The following SDK1 variants were observed in gnomAD, a reference collection of about 807,000 sequenced individuals.
SDK1 encodes sidekick cell adhesion molecule 1.
SDK1 carries 157 observed loss-of-function variants against 245.5 expected under a neutral mutation model. That is an observed-to-expected ratio of 0.64 (90% confidence interval 0.56 to 0.73). SDK1 has a LOEUF of 0.73. SDK1 is among the 30% of genes least tolerant of loss of function. SDK1 has a pLI of 0.00. For missense variants in SDK1, 3,583 were observed against 3,002.3 expected (o/e 1.19, Z -4.52); for synonymous variants, 1,647 against 1,278.5 (o/e 1.29, Z -6.15).
rs564620244 is a variant in SDK1, at chr7:3,870,255, A to G, written c.847+48672A>G. Among the ~76,000 whole-genome samples, 49 of 152,202 alleles carry G rather than the reference A, an allele frequency of 3.2e-4. 1 individual carries two copies. The South Asian group carries it at 9.8e-3, about 30-fold the overall frequency. ...TCAACTTAATTTTTTCATTCTATAAATTTATTCTAATATATAAAGTGATTG... is the reference window on the plus strand; with the variant it reads ...TCAACTTAATTTTTTCATTCTATAAGTTTATTCTAATATATAAAGTGATTG... On this transcript the variant is annotated intron_variant, in intron 5 of 44. Coordinates refer to ENST00000404826, the MANE Select transcript of SDK1 (RefSeq NM_152744.4).
At chr7:4,239,377 G>A (rs1267841606) in intron 42 of SDK1, among the ~76,000 whole-genome samples, 2 of 152,164 alleles carry the variant, frequency 1.3e-5, no homozygotes, top group Non-Finnish European at 2.9e-5. Context: ...CTACGTGGAC[G>A]GTAGTTACAT....
chr7:4,063,478 A>T (rs554118786), intron 19 of SDK1, among the ~76,000 whole-genome samples: 1 of 152,138 alleles, frequency 6.6e-6, no homozygotes, highest in Non-Finnish European at 1.5e-5. Flanking sequence ...AAATAGAAAG[A>T]CATCCCATGC....
At chr7:3,488,556 A>G (rs1242143045) in intron 1 of SDK1, among the ~76,000 whole-genome samples, 3 of 152,182 alleles carry the variant, frequency 2.0e-5, no homozygotes, top group African/African-American at 7.2e-5. Context: ...TATGTCATCA[A>G]GTTTTCTAAG....
intron 1 of SDK1, among the ~76,000 whole-genome samples, chr7:3,482,306 C>T (rs1217808293): frequency 1.3e-5 from 2 of 152,082 alleles, no homozygotes; most frequent in East Asian, 1.9e-4. Context: ...AAAGGGCAAG[C>T]CAGACTCTAG....
chr7:3,465,107 C>G (rs545291003), intron 1 of SDK1, among the ~76,000 whole-genome samples: 1 of 152,240 alleles, frequency 6.6e-6, no homozygotes, highest in African/African-American at 2.4e-5. Context: ...AGTGAGATTA[C>G]CGTTAGGGAG....
chr7:3,939,970 A>C (rs939157568), intron 5 of SDK1, among the ~76,000 whole-genome samples: 1 of 152,244 alleles, frequency 6.6e-6, no homozygotes, highest in Admixed American at 6.5e-5. Context: ...AAAAACCACC[A>C]GTGCACCTTG....
intron 5 of SDK1, among the ~76,000 whole-genome samples, chr7:3,936,819 C>T (rs1223084201): frequency 6.6e-6 from 1 of 152,126 alleles, no homozygotes; most frequent in African/African-American, 2.4e-5. Context: ...CCTCTGGGCC[C>T]TGCTGGATGG....
chr7:3,368,780 C>T (rs1259531200), intron 1 of SDK1, among the ~76,000 whole-genome samples: 6 of 152,172 alleles, frequency 3.9e-5, no homozygotes, highest in Non-Finnish European at 8.8e-5. Flanking sequence ...AATGAGATAA[C>T]ACAAAGCACT....
chr7:4,254,255 T>C (rs1583183194), intron 44 of SDK1, among the ~76,000 whole-genome samples: 1 of 152,154 alleles, frequency 6.6e-6, no homozygotes, highest in South Asian at 2.1e-4. Flanking sequence ...ATTCTTATTA[T>C]ACGTATGTTG....
chr7:3,940,818 A>C (rs1405987529), intron 5 of SDK1, among the ~76,000 whole-genome samples: 1 of 151,718 alleles, frequency 6.6e-6, no homozygotes, highest in Non-Finnish European at 1.5e-5. Context: ...TAATAATAAT[A>C]ATAGTAAATT....
intron 22 of SDK1, among the ~76,000 whole-genome samples, chr7:4,094,137 A>G (rs1289392662): frequency 6.6e-6 from 1 of 151,754 alleles, no homozygotes; most frequent in African/African-American, 2.4e-5. Context: ...GCTCACTGCA[A>G]CCTCCGCCTT....
intron 5 of SDK1, among the ~76,000 whole-genome samples, chr7:3,842,725 A>G (rs531082657): frequency 3.3e-5 from 5 of 152,122 alleles, no homozygotes; most frequent in African/African-American, 7.2e-5. Flanking sequence ...ATGCTGGCTA[A>G]GAGTGGGAGG....
At chr7:3,849,536 C>G (rs1196024774) in intron 5 of SDK1, among the ~76,000 whole-genome samples, 1 of 152,208 alleles carries the variant, frequency 6.6e-6, no homozygotes, top group Middle Eastern at 3.4e-3. Context: ...AGTATATGTT[C>G]AATGGTTGAG....
chr7:3,454,565 G>T (rs1467792826), intron 1 of SDK1, among the ~76,000 whole-genome samples: 1 of 152,114 alleles, frequency 6.6e-6, no homozygotes, highest in Non-Finnish European at 1.5e-5. Context: ...CTGATCAGCT[G>T]CAATAACACA....
Position 4,268,780 on chromosome 7 carries a change from C to A in SDK1, c.*3396C>A. The A allele has an allele frequency of 7.4e-7, 1 of 1,359,482 alleles. No individual in the cohort carries two copies. The highest frequency in any genetic ancestry group is 9.9e-7 in the Non-Finnish European group (1 of 1,014,476). The allele number at this position is 1,359,482 out of a possible 1,614,324, so 84.2% of individuals were successfully genotyped here. On this transcript the variant is annotated 3_prime_UTR_variant, in exon 45 of 45. Transcript: ENST00000404826. The stretch of plus-strand genomic sequence containing the variant: ...GATCCAGTCTGAAAGGTGAGGACAA[C>A]GTGGAAACTCATGAGCTGAGCCTGC...
In SDK1 at chr7:4,234,259, C is replaced by T. The variant is rs183604382; in HGVS notation, c.5992+840C>T. On this transcript the variant is annotated intron_variant, in intron 41 of 44. Transcript: ENST00000404826. ...CGATCCCAGGCTGGGCATTTCTTCACGTGCACACCTTCGCTGTGAGGTACC... is the reference window on the plus strand; with the variant it reads ...CGATCCCAGGCTGGGCATTTCTTCATGTGCACACCTTCGCTGTGAGGTACC... 3.4e-3 allele frequency among the ~76,000 whole-genome samples: 517 copies of T among 152,314 alleles called. 4 individuals carry two copies. The highest frequency in any genetic ancestry group is 0.011 in the African/African-American group (467 of 41,574).
At chr7:3,653,704 C>T (rs1783075934) in intron 4 of SDK1, among the ~76,000 whole-genome samples, 2 of 152,038 alleles carry the variant, frequency 1.3e-5, no homozygotes, top group Non-Finnish European at 2.9e-5. Context: ...AGAGGAGAAA[C>T]GGGTTGGGAG....
rs1162979240 is a variant in SDK1, at chr7:4,005,039, CTT to C, written c.2132-5903_2132-5902del. On this transcript the variant is annotated intron_variant, in intron 14 of 44. Transcript: ENST00000404826. ...TCTGGTGTTTAATTGGTTCCTGCAC[CTT>C]TTTTTTTTTTTTTTTTTTTTTTTGA... Among the ~76,000 whole-genome samples, 551 of 90,932 alleles carry C rather than the reference CTT, an allele frequency of 6.1e-3. 1 individual carries two copies. Among genetic ancestry groups the C allele is most frequent in the African/African-American group, 0.022 (474 of 21,708 alleles). 59.7% of individuals were successfully genotyped at this position (90,932 alleles called of 152,430 possible).
chr7:3,328,428 C>G (rs1779987431), intron 1 of SDK1, among the ~76,000 whole-genome samples: 1 of 151,920 alleles, frequency 6.6e-6, no homozygotes, highest in African/African-American at 2.4e-5. Flanking sequence ...CATTCTAGTT[C>G]AGATGATCTG....
Sources: allele counts gnomAD v4.1 joint callset (sites outside exome capture counted in the v4.1 genomes callset), GRCh38; gene constraint gnomAD v4.1.1; transcripts MANE v1.5; gene names NCBI Gene and HGNC (gene_info 2026-07-23, HGNC 2026-07-21).